The following MAP2 variants were observed in gnomAD, a reference collection of about 807,000 sequenced individuals.
MAP2 encodes the protein microtubule associated protein 2, also known as microtubule-associated protein 2.
A neutral mutation model predicts 137.6 loss-of-function variants in MAP2; 14 were observed. The ratio of observed to expected loss-of-function variants is 0.10; its 90% CI spans 0.07 to 0.16. MAP2 has a LOEUF of 0.16. MAP2 is among the 10% of genes least tolerant of loss of function. The pLI is 1.00. For synonymous variants in MAP2, 786 were observed against 782.3 expected, an observed-to-expected ratio of 1.00 and a Z score of -0.08; for missense variants, 2,088 against 2,191.5, an observed-to-expected ratio of 0.95 and a Z score of 0.94.
chr2:209,720,053 T>C (rs1376325299), intron 13 of MAP2, among the ~76,000 whole-genome samples: 3 of 152,192 alleles, frequency 2.0e-5, no homozygotes, highest in Non-Finnish European at 4.4e-5. Flanking sequence ...ACTTTAAATG[T>C]AAACACAGGC....
At chr2:209,642,466 A>G (rs2094114796) in intron 4 of MAP2, among the ~76,000 whole-genome samples, 1 of 152,000 alleles carries the variant, frequency 6.6e-6, no homozygotes, top group Admixed American at 6.6e-5. Context: ...GAAAACACAA[A>G]ATAATAACAA....
chr2:209,586,684 G>A (rs1277334903), intron 3 of MAP2, among the ~76,000 whole-genome samples: 1 of 152,104 alleles, frequency 6.6e-6, no homozygotes, highest in African/African-American at 2.4e-5. Flanking sequence ...GTCAACTGGG[G>A]ATCTTACTAA....
chr2:209,531,151 G>T (rs535963132), intron 2 of MAP2, among the ~76,000 whole-genome samples: 1 of 151,952 alleles, frequency 6.6e-6, no homozygotes, highest in South Asian at 2.1e-4. Flanking sequence ...CATGATAGAT[G>T]GGATATTCCA....
At chr2:209,637,845 ATTAAC>A (rs1272859577) in intron 4 of MAP2, among the ~76,000 whole-genome samples, 5 of 152,096 alleles carry the variant, frequency 3.3e-5, no homozygotes, top group Non-Finnish European at 1.5e-5. Context: ...TTATTTTAAT[ATTAAC>A]TTAATCTTTT....
chr2:209,616,001 G>C (rs2089198169), intron 3 of MAP2, among the ~76,000 whole-genome samples: 2 of 152,136 alleles, frequency 1.3e-5, no homozygotes, highest in African/African-American at 4.8e-5. Context: ...TCGGGTGAGG[G>C]CACCATTTCT....
At chr2:209,634,285 C>T (rs982073178) in intron 4 of MAP2, among the ~76,000 whole-genome samples, 4 of 152,130 alleles carry the variant, frequency 2.6e-5, no homozygotes, top group Admixed American at 2.0e-4. Context: ...TCTCATTATA[C>T]TTTTCTTCAA....
At position 209,731,977 on chromosome 2, in the gene MAP2, A is replaced by C. The variant is rs963002240; in HGVS notation, c.*1580A>C. 2.0e-5 allele frequency: 3 copies of C among 152,220 alleles called. No homozygotes were observed. Among genetic ancestry groups the C allele is most frequent in the Non-Finnish European group, 4.4e-5 (3 of 68,046 alleles). 9.4% of individuals were successfully genotyped at this position (152,220 alleles called of 1,614,324 possible). A position where few individuals can be genotyped will look rare whatever the true frequency, so the allele number is the denominator to read the frequency against. ...TCACAAATCAATTAGTTCCTCTCAC[A>C]AATCATTCATCTTAGACTTACAAAT... On this transcript the variant is annotated 3_prime_UTR_variant, in exon 16 of 16. Coordinates refer to ENST00000682079, the MANE Select transcript of MAP2 (RefSeq NM_001375505.1).
At chr2:209,499,403 C>T (rs145090575) in intron 1 of MAP2, among the ~76,000 whole-genome samples, 2 of 152,288 alleles carry the variant, frequency 1.3e-5, no homozygotes, top group African/African-American at 2.4e-5. Context: ...TTTAACTAGT[C>T]TCTAAAAAAT....
At chr2:209,497,622 G>A (rs2059908041) in intron 1 of MAP2, among the ~76,000 whole-genome samples, 1 of 152,156 alleles carries the variant, frequency 6.6e-6, no homozygotes, top group Admixed American at 6.5e-5. Context: ...CAGCTCATGG[G>A]GAGGACTCAG....
chr2:209,499,684 CAG>C lies in MAP2; in HGVS notation c.-221-7907_-221-7906del, dbSNP rs1378705490. Among the ~76,000 whole-genome samples the C allele has an allele frequency of 3.3e-5, 5 of 152,198 alleles. No homozygotes were observed. The East Asian group carries it at 9.7e-4, about 29-fold the overall frequency. On this transcript the variant is annotated intron_variant, in intron 1 of 15. Transcript: ENST00000682079. ...CCGGCATCAGCTTCTGGGGAGGCCT[CAG>C]GGGGCTTTTACTCATGGTGGAGAGC...
chr2:209,447,955 T>C (rs1190800580), intron 1 of MAP2, among the ~76,000 whole-genome samples: 2 of 152,056 alleles, frequency 1.3e-5, no homozygotes, highest in African/African-American at 2.4e-5. Context: ...GGACTAAGAG[T>C]ATCGGCCTCA....
chr2:209,493,764 A>G (rs1302891874), intron 1 of MAP2, among the ~76,000 whole-genome samples: 2 of 152,258 alleles, frequency 1.3e-5, no homozygotes, highest in African/African-American at 4.8e-5. Context: ...AATGGTGATC[A>G]TTAAAAAGTC....
chr2:209,494,999 A>G (rs2059578427), intron 1 of MAP2, among the ~76,000 whole-genome samples: 1 of 152,246 alleles, frequency 6.6e-6, no homozygotes, highest in Non-Finnish European at 1.5e-5. Flanking sequence ...ATATGTGTAT[A>G]TATTCCACCT....
intron 3 of MAP2, among the ~76,000 whole-genome samples, chr2:209,608,680 A>G (rs1045997517): frequency 6.6e-6 from 1 of 152,148 alleles, no homozygotes; most frequent in South Asian, 2.1e-4. Flanking sequence ...GTGAAACACA[A>G]CTAATTATAT....
At chr2:209,430,516 AC>A (rs1185506184) in intron 1 of MAP2, among the ~76,000 whole-genome samples, 1 of 152,150 alleles carries the variant, frequency 6.6e-6, no homozygotes, top group Non-Finnish European at 1.5e-5. Context: ...AATAGGGAAA[AC>A]AATGACCAAG....
intron 2 of MAP2, among the ~76,000 whole-genome samples, chr2:209,544,757 C>G (rs2067708406): frequency 6.6e-6 from 1 of 152,182 alleles, no homozygotes; most frequent in Admixed American, 6.5e-5. Flanking sequence ...TCAAAATATG[C>G]TAACCCAATA....
intron 7 of MAP2, among the ~76,000 whole-genome samples, chr2:209,681,104 A>G (rs1022303566): frequency 6.6e-6 from 1 of 152,192 alleles, no homozygotes; most frequent in Non-Finnish European, 1.5e-5. Context: ...GACCCCATTC[A>G]CTTTAGAATG....
At chr2:209,675,555 A>G (rs1454188093) in intron 5 of MAP2, among the ~76,000 whole-genome samples, 1 of 151,862 alleles carries the variant, frequency 6.6e-6, no homozygotes, top group Admixed American at 6.6e-5. Flanking sequence ...AAGTCTATTT[A>G]TACAGTGTAC....
intron 2 of MAP2, among the ~76,000 whole-genome samples, chr2:209,565,113 T>C (rs2073104205): frequency 6.6e-6 from 1 of 152,236 alleles, no homozygotes; most frequent in Non-Finnish European, 1.5e-5. Context: ...TAACATTTAA[T>C]TTGCTATTAA....
Sources: gnomAD v4.1 joint callset for allele counts (sites outside exome capture counted in the v4.1 genomes callset) on GRCh38, gnomAD v4.1.1 for gene constraint, MANE v1.5 for transcripts, NCBI Gene and HGNC (gene_info 2026-07-23, HGNC 2026-07-21) for gene names.